FAM53B: variants seen among roughly 807,000 people sequenced by gnomAD.
FAM53B encodes family with sequence similarity 53 member B.
Under a neutral mutation model 32.7 loss-of-function variants are expected in FAM53B, and 12 were observed. The ratio of observed to expected loss-of-function variants is 0.37; its 90% CI spans 0.24 to 0.59. FAM53B has a LOEUF of 0.59. Among genes scored for constraint, FAM53B ranks in the 20% least tolerant of loss-of-function variants. The pLI is 0.72. For synonymous variants in FAM53B, 234 were observed against 228.7 expected, an observed-to-expected ratio of 1.02 and a Z score of -0.21; for missense variants, 477 against 577.7, an observed-to-expected ratio of 0.83 and a Z score of 1.79.
At chr10:124,658,974 G>A (rs974135002) in intron 4 of FAM53B, among the ~76,000 whole-genome samples, 1 of 152,210 alleles carries the variant, frequency 6.6e-6, no homozygotes, top group African/African-American at 2.4e-5. Context: ...GGCCCTAGGT[G>A]AGTTATTTAA....
intron 3 of FAM53B, among the ~76,000 whole-genome samples, chr10:124,692,033 G>T (rs1949835905): frequency 6.6e-6 from 1 of 152,226 alleles, no homozygotes; most frequent in South Asian, 2.1e-4. Flanking sequence ...CATATAAATG[G>T]CTCTTTCCCA....
At chr10:124,667,145 C>A in intron 4 of FAM53B, 1 of 495,488 alleles carries the variant, frequency 2.0e-6, no homozygotes, top group Non-Finnish European at 3.6e-6. Context: ...TGTCACCTGA[C>A]ACACCAGTGG....
rs1026045572 is a variant in FAM53B, at chr10:124,646,930, T to C, written c.907-23326A>G. The stretch of plus-strand genomic sequence containing the variant: ...CAGGTTCTAAGTGAGGCCCCATCCC[T>C]GGAATCTCACACAGCCAGCCTCCTG... On this transcript the variant is annotated intron_variant, in intron 4 of 4. Transcript: ENST00000337318. 9.2e-5 allele frequency among the ~76,000 whole-genome samples: 14 copies of C among 152,186 alleles called. No homozygotes were observed. The East Asian group carries it at 2.7e-3, about 29-fold the overall frequency.
rs1185177077 is a variant in FAM53B at position 124,621,197 on chromosome 10, C to G, written c.*2045G>C. On this transcript the variant is annotated 3_prime_UTR_variant, in exon 5 of 5. Transcript: ENST00000337318. ...AGGCCTGCTATAGAGGCTGTGTGCC[C>G]TCGGCCACACCGGGCATGTGGTGCC... The G allele has an allele frequency of 6.6e-6, 1 of 152,234 alleles. No individual in the cohort carries two copies. Among genetic ancestry groups the G allele is most frequent in the Non-Finnish European group, 1.5e-5 (1 of 68,032 alleles). 9.4% of individuals were successfully genotyped at this position (152,234 alleles called of 1,614,324 possible). A position where few individuals can be genotyped will look rare whatever the true frequency, so the allele number is the denominator to read the frequency against.
intron 1 of FAM53B, among the ~76,000 whole-genome samples, chr10:124,738,572 C>A (rs1950184186): frequency 6.6e-6 from 1 of 151,916 alleles, no homozygotes; most frequent in Admixed American, 6.6e-5. Flanking sequence ...CGCACACTCA[C>A]ACCCCCCCGA....
At chr10:124,679,152 C>A (rs542292760) in intron 4 of FAM53B, among the ~76,000 whole-genome samples, 2 of 152,178 alleles carry the variant, frequency 1.3e-5, no homozygotes, top group Non-Finnish European at 2.9e-5. Context: ...CGGAAGGAAG[C>A]GTGGGCCACA....
At chr10:124,699,700 G>A (rs1277048914) in intron 2 of FAM53B, among the ~76,000 whole-genome samples, 1 of 152,218 alleles carries the variant, frequency 6.6e-6, no homozygotes, top group Non-Finnish European at 1.5e-5. Flanking sequence ...TAGTGGGACT[G>A]TCAACCAAGG....
intron 4 of FAM53B, among the ~76,000 whole-genome samples, chr10:124,640,135 C>G (rs1949461162): frequency 6.6e-6 from 1 of 152,240 alleles, no homozygotes; most frequent in South Asian, 2.1e-4. Context: ...TTGGGCAGAG[C>G]CACCACACCA....
chr10:124,717,352 T>C (rs963627463), intron 1 of FAM53B, among the ~76,000 whole-genome samples: 1 of 152,222 alleles, frequency 6.6e-6, no homozygotes, highest in African/African-American at 2.4e-5. Context: ...AAATGGCAAC[T>C]CTGGAGAGAG....
At chr10:124,699,663 T>A (rs1342254288) in intron 2 of FAM53B, among the ~76,000 whole-genome samples, 2 of 152,224 alleles carry the variant, frequency 1.3e-5, no homozygotes, top group Non-Finnish European at 2.9e-5. Context: ...TGAATTGGGA[T>A]ACCTTCATCG....
chr10:124,701,855 T>C (rs3781449), intron 2 of FAM53B, among the ~76,000 whole-genome samples: 48,857 of 152,138 alleles, frequency 0.32, 8,243 homozygotes, highest in Admixed American at 0.41. Context: ...GTCCTTTTTT[T>C]CCCTTTTTCC....
Position 124,652,920 on chromosome 10 carries a change from T to C in FAM53B, c.906+28687A>G, listed in dbSNP as rs118156404. On this transcript the variant is annotated intron_variant, in intron 4 of 4. Coordinates refer to ENST00000337318, the MANE Select transcript of FAM53B (RefSeq NM_014661.4). Reference sequence around the variant, plus strand: ...AGGCAGACGACGCCCTGTGTTGGTGTGTGCTCGACCAATCAAAGGAGCTGT... The same window carrying C: ...AGGCAGACGACGCCCTGTGTTGGTGCGTGCTCGACCAATCAAAGGAGCTGT... 4.5e-4 allele frequency among the ~76,000 whole-genome samples: 69 copies of C among 152,292 alleles called. No homozygotes were observed. In the East Asian group the frequency reaches 0.013, roughly 29 times the overall value.
intron 4 of FAM53B, among the ~76,000 whole-genome samples, chr10:124,631,508 G>T (rs946999474): frequency 6.6e-6 from 1 of 152,172 alleles, no homozygotes; most frequent in African/African-American, 2.4e-5. Flanking sequence ...CAGCAACAGA[G>T]GGTTACTCAT....
intron 1 of FAM53B, among the ~76,000 whole-genome samples, chr10:124,728,799 C>G (rs941996357): frequency 6.6e-6 from 1 of 152,206 alleles, no homozygotes; most frequent in Admixed American, 6.5e-5. Flanking sequence ...ACTTCTCTGC[C>G]CACAGGCAGT....
intron 4 of FAM53B, chr10:124,667,202 G>T: frequency 1.8e-6 from 1 of 553,380 alleles, no homozygotes; most frequent in Non-Finnish European, 3.2e-6. Flanking sequence ...GTGCATTCAT[G>T]ATTTACTTAC....
chr10:124,740,556 T>C (rs1455071789), intron 1 of FAM53B, among the ~76,000 whole-genome samples: 4 of 152,198 alleles, frequency 2.6e-5, no homozygotes, highest in East Asian at 1.9e-4. Flanking sequence ...CTGCTGTTAA[T>C]GGGGTCAGCT....
chr10:124,725,050 G>A (rs1388340790), intron 1 of FAM53B, among the ~76,000 whole-genome samples: 1 of 152,214 alleles, frequency 6.6e-6, no homozygotes, highest in Non-Finnish European at 1.5e-5. Flanking sequence ...AGCGAGAGTA[G>A]AAGGGGGAAC....
chr10:124,721,301 G>A (rs1270042711), intron 1 of FAM53B, among the ~76,000 whole-genome samples: 1 of 152,240 alleles, frequency 6.6e-6, no homozygotes, highest in Admixed American at 6.5e-5. Flanking sequence ...TCCCCTGCCT[G>A]GACAGACTCT....
intron 2 of FAM53B, among the ~76,000 whole-genome samples, chr10:124,700,574 CGA>C (rs1949908650): frequency 6.6e-6 from 1 of 151,988 alleles, no homozygotes; most frequent in African/African-American, 2.4e-5. Context: ...CCTCAGATCA[CGA>C]GAGAAGGTTT....
Sources: allele counts gnomAD v4.1 joint callset (sites outside exome capture counted in the v4.1 genomes callset), GRCh38; gene constraint gnomAD v4.1.1; transcripts MANE v1.5; gene names NCBI Gene and HGNC (gene_info 2026-07-23, HGNC 2026-07-21).